The following ZNF804B variants were observed in gnomAD, a reference collection of about 807,000 sequenced individuals.
The protein encoded by ZNF804B is zinc finger protein 804B.
ZNF804B carries 80 observed loss-of-function variants against 101.4 expected under a neutral mutation model. That is an observed-to-expected ratio of 0.79 (90% CI 0.66 to 0.95). ZNF804B has a LOEUF of 0.95. Among genes scored for constraint, ZNF804B ranks in the 40% least tolerant of loss-of-function variants. ZNF804B has a pLI of 0.00. For missense variants in ZNF804B, 1,673 were observed against 1,561.9 expected, an observed-to-expected ratio of 1.07 and a Z score of -1.20; for synonymous variants, 622 against 558.8, an observed-to-expected ratio of 1.11 and a Z score of -1.59.
chr7:88,985,715 T>C (rs1793749872), intron 1 of ZNF804B, among the ~76,000 whole-genome samples: 2 of 152,126 alleles, frequency 1.3e-5, no homozygotes, highest in African/African-American at 4.8e-5. Context: ...ATACTTTGTA[T>C]ATAGGGCAAG....
At chr7:88,846,132 A>G (rs1213166890) in intron 1 of ZNF804B, among the ~76,000 whole-genome samples, 1 of 152,194 alleles carries the variant, frequency 6.6e-6, no homozygotes, top group South Asian at 2.1e-4. Context: ...TATGACATTA[A>G]CTTAATAATG....
intron 2 of ZNF804B, among the ~76,000 whole-genome samples, chr7:89,270,019 G>T (rs1370079313): frequency 6.6e-6 from 1 of 152,114 alleles, no homozygotes; most frequent in African/African-American, 2.4e-5. Flanking sequence ...TGGGTTGCCT[G>T]TTCACTCTGA....
intron 1 of ZNF804B, among the ~76,000 whole-genome samples, chr7:89,108,223 C>CTTT (rs68099837): frequency 7.1e-6 from 1 of 140,330 alleles, no homozygotes; most frequent in East Asian, 2.0e-4. Flanking sequence ...TAATTAGCTG[C>CTTT]TTTTTTTTTT....
chr7:88,934,622 C>A (rs545157753), intron 1 of ZNF804B, among the ~76,000 whole-genome samples: 76 of 151,958 alleles, frequency 5.0e-4, no homozygotes, highest in Non-Finnish European at 7.7e-4. Flanking sequence ...AAACAACCAA[C>A]AAACATAAGA....
At chr7:89,331,252 G>A (rs1169478172) in intron 3 of ZNF804B, among the ~76,000 whole-genome samples, 1 of 151,662 alleles carries the variant, frequency 6.6e-6, no homozygotes, top group African/African-American at 2.4e-5. Context: ...AGGCAAAGTT[G>A]AATGCTGCAG....
intron 1 of ZNF804B, among the ~76,000 whole-genome samples, chr7:88,784,292 C>T (rs1790268321): frequency 6.6e-6 from 1 of 152,172 alleles, no homozygotes; most frequent in African/African-American, 2.4e-5. Context: ...TGCACATATT[C>T]TAAACTCACT....
At chr7:89,103,562 G>C (rs1790092560) in intron 1 of ZNF804B, among the ~76,000 whole-genome samples, 1 of 151,748 alleles carries the variant, frequency 6.6e-6, no homozygotes, top group African/African-American at 2.4e-5. Context: ...GTACAGAAGT[G>C]CTACTGATTT....
chr7:89,230,952 G>A (rs1789183797), intron 2 of ZNF804B, among the ~76,000 whole-genome samples: 2 of 151,980 alleles, frequency 1.3e-5, no homozygotes, highest in Non-Finnish European at 2.9e-5. Context: ...TTGCCTTATT[G>A]TTTAAGAATT....
intron 1 of ZNF804B, among the ~76,000 whole-genome samples, chr7:88,971,581 A>G (rs1793538183): frequency 6.6e-6 from 1 of 151,600 alleles, no homozygotes. Flanking sequence ...TAACTTCTGA[A>G]ATTACAGTTC....
chr7:89,334,061 C>CA lies in ZNF804B; in HGVS notation c.1080dup (p.Cys361MetfsTer16), dbSNP rs1750916275. 1 of 1,613,420 alleles carries CA rather than the reference C, an allele frequency of 6.2e-7. No homozygotes were observed. ...ACTTTAGAAAATTGTGTTAATCACC[C>CA]ATGCCAAGCAAATGCTTCCTTCAGC... On this transcript the variant is annotated frameshift_variant, in exon 4 of 4. Coordinates refer to ENST00000333190, the MANE Select transcript of ZNF804B (RefSeq NM_181646.5). LOFTEE classifies it high-confidence loss of function.
chr7:89,336,593 C>G lies in ZNF804B; in HGVS notation c.3611C>G (p.Thr1204Ser), dbSNP rs751574206. The G allele has an allele frequency of 1.9e-6, 3 of 1,614,128 alleles. No individual in the cohort carries two copies. The highest frequency in any genetic ancestry group is 1.3e-5 in the African/African-American group (1 of 75,032). ...TVQTVPVHQH[T>S]SITTIHHTFL... is the part of the protein sequence containing the mutation. Reference sequence around the variant, plus strand: ...CAGACAGTTCCAGTTCACCAGCACACTTCTATCACCACCATCCACCACACG... The same window carrying G: ...CAGACAGTTCCAGTTCACCAGCACAGTTCTATCACCACCATCCACCACACG... Residue 1204 changes from threonine (T) to serine (S), a missense_variant, in exon 4 of 4, where the codon ACT becomes AGT. Physicochemically the swap from Thr to Ser is moderately conservative, Grantham distance 58. Coordinates refer to ENST00000333190, the MANE Select transcript of ZNF804B (RefSeq NM_181646.5).
chr7:89,309,759 CAAAAAAAAAA>C (rs397791531), intron 2 of ZNF804B, among the ~76,000 whole-genome samples: 85 of 70,750 alleles, frequency 1.2e-3, no homozygotes, highest in African/African-American at 4.9e-3. Flanking sequence ...GACCCTGTCT[CAAAAAAAAAA>C]AAAAAAAAAA....
intron 1 of ZNF804B, among the ~76,000 whole-genome samples, chr7:89,131,094 C>T (rs1262549519): frequency 6.6e-6 from 1 of 151,906 alleles, no homozygotes; most frequent in African/African-American, 2.4e-5. Flanking sequence ...TCTTGTCTGC[C>T]CTCCTTATAA....
At chr7:89,070,110 T>C (rs62464168) in intron 1 of ZNF804B, among the ~76,000 whole-genome samples, 10,179 of 152,244 alleles carry the variant, frequency 0.067, 466 homozygotes, top group East Asian at 0.18. Flanking sequence ...AACAAATCAG[T>C]AGACAAGATT....
chr7:88,970,286 C>T (rs1278223773), intron 1 of ZNF804B, among the ~76,000 whole-genome samples: 3 of 151,332 alleles, frequency 2.0e-5, no homozygotes, highest in African/African-American at 7.3e-5. Context: ...GTTTGCTGCA[C>T]CCATCAACCC....
chr7:89,166,103 G>A (rs1458773825), intron 1 of ZNF804B, among the ~76,000 whole-genome samples: 2 of 152,022 alleles, frequency 1.3e-5, no homozygotes, highest in African/African-American at 4.8e-5. Flanking sequence ...CCTGTCCCCT[G>A]GCGTCCACAA....
chr7:89,190,121 G>C (rs1292108458), intron 1 of ZNF804B, among the ~76,000 whole-genome samples: 1 of 151,970 alleles, frequency 6.6e-6, no homozygotes, highest in Non-Finnish European at 1.5e-5. Flanking sequence ...TGCAGATATG[G>C]TTTTAATAGC....
chr7:89,270,463 C>CT (rs1789875526), intron 2 of ZNF804B, among the ~76,000 whole-genome samples: 1 of 152,144 alleles, frequency 6.6e-6, no homozygotes, highest in African/African-American at 2.4e-5. Flanking sequence ...GTTTTGGTTA[C>CT]TGTAGCCTTG....
At chr7:89,096,403 G>T (rs1044120317) in intron 1 of ZNF804B, among the ~76,000 whole-genome samples, 1 of 152,104 alleles carries the variant, frequency 6.6e-6, no homozygotes, top group Non-Finnish European at 1.5e-5. Context: ...GGGGAACCAG[G>T]TGGAAGAGTT....
Sources: allele counts gnomAD v4.1 joint callset (sites outside exome capture counted in the v4.1 genomes callset), GRCh38; gene constraint gnomAD v4.1.1; transcripts MANE v1.5; gene names NCBI Gene and HGNC (gene_info 2026-07-23, HGNC 2026-07-21).